The following SCN1A variants were observed in gnomAD, a reference collection of about 807,000 sequenced individuals.
SCN1A encodes sodium channel protein type 1 subunit alpha.
A neutral mutation model predicts 193.7 loss-of-function variants in SCN1A; 13 were observed. That is an observed-to-expected ratio of 0.07 (90% CI 0.04 to 0.11). The LOEUF (loss-of-function observed/expected upper bound fraction) is 0.11, where lower values mean the gene tolerates loss of function less well. SCN1A is among the 10% of genes least tolerant of loss of function. The pLI is 1.00. For synonymous variants in SCN1A, 781 were observed against 843.6 expected (o/e 0.93, Z 1.29); for missense variants, 1,432 against 2,451.1 (o/e 0.58, Z 8.78).
chr2:166,078,507 A>G (rs1685196326), intron 2 of SCN1A, among the ~76,000 whole-genome samples: 1 of 151,528 alleles, frequency 6.6e-6, no homozygotes, highest in African/African-American at 2.4e-5. Context: ...GGGAAACTCT[A>G]TATTTTTGGC....
Position 166,073,429 on chromosome 2 carries a change from A to G in SCN1A, c.193T>C (p.Tyr65His). 6.2e-7 allele frequency: 1 copy of G among 1,614,156 alleles called. No individual in the cohort carries two copies. The highest frequency in any genetic ancestry group is 8.5e-7 in the Non-Finnish European group (1 of 1,180,008). The stretch of plus-strand genomic sequence containing the variant: ...ACCATCTCTGGAGGAATGTCTCCAT[A>G]AATAAATGGAAGGTTCTTTCCAGCT... ...LEAGKNLPFI[Y>H]GDIPPEMVSE... The change falls in exon 4 of 29, where the codon TAT (tyrosine) becomes CAT (histidine). Residue 65 changes from tyrosine (Y) to histidine (H), a missense_variant. Coordinates refer to ENST00000674923, the MANE Select transcript of SCN1A (RefSeq NM_001165963.4).
chr2:166,024,362 A>C (rs894043180), intron 19 of SCN1A, among the ~76,000 whole-genome samples: 1 of 152,224 alleles, frequency 6.6e-6, no homozygotes, highest in African/African-American at 2.4e-5. Context: ...TAATTTCACT[A>C]TTAGCTGTAT....
rs551806630 is a variant in SCN1A, at chr2:166,074,434, C to A, written c.-49-764G>T. Reference sequence around the variant, plus strand: ...AGTCTCCTGTTTCAAGAAAAATGATCAGAAAGAAGTCAGGGTGCCATAAAC... The same window carrying A: ...AGTCTCCTGTTTCAAGAAAAATGATAAGAAAGAAGTCAGGGTGCCATAAAC... On this transcript the variant is annotated intron_variant, in intron 3 of 28. Coordinates refer to ENST00000674923, the MANE Select transcript of SCN1A (RefSeq NM_001165963.4). 2.0e-5 allele frequency among the ~76,000 whole-genome samples: 3 copies of A among 151,142 alleles called. No homozygotes were observed. The East Asian group carries it at 5.9e-4, about 30-fold the overall frequency.
chr2:166,002,268 T>G (rs910030561), intron 24 of SCN1A, among the ~76,000 whole-genome samples: 4 of 151,718 alleles, frequency 2.6e-5, no homozygotes, highest in Non-Finnish European at 5.9e-5. Context: ...TTGTTTGGTC[T>G]GGTCACTACT....
At position 166,148,527 on chromosome 2, in the gene SCN1A, T is replaced by A. The variant is rs73030855; in HGVS notation, c.-50+520A>T. ...CTTCAGTGCTAGTGTCGAATGGCGCTTTTGCTGCAGTATTCACCTTGAAAC... is the reference window on the plus strand; with the variant it reads ...CTTCAGTGCTAGTGTCGAATGGCGCATTTGCTGCAGTATTCACCTTGAAAC... On this transcript the variant is annotated intron_variant, in intron 1 of 26. Coordinates refer to the SCN1A transcript ENST00000635750. 3.6e-3 allele frequency among the ~76,000 whole-genome samples: 553 copies of A among 152,300 alleles called. 2 individuals are homozygous for A. Among genetic ancestry groups the A allele is most frequent in the African/African-American group, 0.013 (532 of 41,566 alleles).
chr2:166,013,724 C>A lies in SCN1A; in HGVS notation c.3705+20G>T. 6.2e-7 allele frequency: 1 copy of A among 1,609,782 alleles called. No homozygotes were observed. The highest frequency in any genetic ancestry group is 1.1e-5 in the South Asian group (1 of 90,978). On this transcript the variant is annotated intron_variant, in intron 21 of 28. Coordinates refer to ENST00000674923, the MANE Select transcript of SCN1A (RefSeq NM_001165963.4). ...GTTCTAAAAATTAGTGCTGTATCAC[C>A]TTTTCTTAATCTCACTCACCAGAGC...
intron 6 of SCN1A, among the ~76,000 whole-genome samples, chr2:166,055,620 C>CA (rs1699057050): frequency 1.3e-5 from 2 of 151,870 alleles, no homozygotes; most frequent in Non-Finnish European, 2.9e-5. Context: ...AAGGTAATGG[C>CA]AAAAACCACA....
intron 1 of SCN1A, among the ~76,000 whole-genome samples, chr2:166,145,122 C>CAT (rs1692258954): frequency 1.4e-5 from 2 of 147,216 alleles, no homozygotes; most frequent in Non-Finnish European, 3.0e-5. Context: ...AGGCGTGAGC[C>CAT]ACTGCACCTG....
At chr2:166,106,147 A>G (rs1688667811) in intron 2 of SCN1A, among the ~76,000 whole-genome samples, 1 of 152,254 alleles carries the variant, frequency 6.6e-6, no homozygotes, top group Non-Finnish European at 1.5e-5. Flanking sequence ...AGATTGCGCC[A>G]CTGTGCTCCA....
intron 7 of SCN1A, chr2:166,053,147 G>A (rs1484224621): frequency 1.9e-6 from 2 of 1,030,116 alleles, no homozygotes; most frequent in African/African-American, 1.6e-5. Flanking sequence ...AATTAAATCA[G>A]AATTATTCAA....
chr2:166,085,671 G>A (rs749268091), intron 2 of SCN1A, among the ~76,000 whole-genome samples: 3 of 152,026 alleles, frequency 2.0e-5, no homozygotes, highest in Admixed American at 6.6e-5. Context: ...CTACCCTGGG[G>A]AATGAGTATC....
At chr2:166,069,338 A>G (rs57432667) in intron 4 of SCN1A, among the ~76,000 whole-genome samples, 11,394 of 152,236 alleles carry the variant, frequency 0.075, 1,133 homozygotes, top group African/African-American at 0.23. Context: ...CATGATGCAT[A>G]GATGCTACTA....
intron 1 of SCN1A, among the ~76,000 whole-genome samples, chr2:166,139,798 C>T (rs2187012): frequency 0.43 from 65,537 of 151,906 alleles, 14,816 homozygotes; most frequent in Admixed American, 0.56. Context: ...ACTGCTCCCA[C>T]GATTCAGTTA....
intron 19 of SCN1A, 104 bp from the exon 20 acceptor site, chr2:166,015,831 G>C: frequency 7.8e-7 from 1 of 1,283,018 alleles, no homozygotes; most frequent in Non-Finnish European, 1.1e-6. Flanking sequence ...TTCTTCTTGA[G>C]GTAGAGATAT....
chr2:166,140,957 CT>C (rs1386500259), intron 1 of SCN1A, among the ~76,000 whole-genome samples: 14 of 152,260 alleles, frequency 9.2e-5, no homozygotes, highest in Admixed American at 7.8e-4. Flanking sequence ...CCACCCAGAC[CT>C]TCTAAATAAG....
chr2:166,120,149 T>A (rs1435557487), intron 2 of SCN1A, among the ~76,000 whole-genome samples: 1 of 145,842 alleles, frequency 6.9e-6, no homozygotes, highest in Admixed American at 7.0e-5. Flanking sequence ...AGATGTAATA[T>A]TCTATTTAAA....
At chr2:166,067,504 A>G (rs1012274350) in intron 4 of SCN1A, among the ~76,000 whole-genome samples, 1 of 150,900 alleles carries the variant, frequency 6.6e-6, no homozygotes, top group Non-Finnish European at 1.5e-5. Flanking sequence ...GATTAGTGCT[A>G]TGACTGCAAA....
intron 17 of SCN1A, among the ~76,000 whole-genome samples, chr2:166,038,814 TAA>T (rs1301659042): frequency 6.6e-6 from 1 of 152,198 alleles, no homozygotes; most frequent in African/African-American, 2.4e-5. Context: ...CTGATATAAG[TAA>T]AGTGTTCATT....
chr2:166,144,219 A>C (rs1473320484), intron 1 of SCN1A, among the ~76,000 whole-genome samples: 1 of 152,242 alleles, frequency 6.6e-6, no homozygotes, highest in African/African-American at 2.4e-5. Context: ...TTCTTCAATA[A>C]AAGTTACTGA....
Sources: gnomAD v4.1 joint callset for allele counts (sites outside exome capture counted in the v4.1 genomes callset) on GRCh38, gnomAD v4.1.1 for gene constraint, MANE v1.5 for transcripts, NCBI Gene and HGNC (gene_info 2026-07-23, HGNC 2026-07-21) for gene names.